Variants in FHOD3 observed in about 807,000 individuals in gnomAD.
The protein encoded by FHOD3 is formin homology 2 domain containing 3.
A neutral mutation model predicts 173.0 loss-of-function variants in FHOD3; 90 were observed. The ratio of observed to expected loss-of-function variants is 0.52; its 90% CI spans 0.44 to 0.62. The LOEUF is 0.62. Among genes scored for constraint, FHOD3 ranks in the 20% least tolerant of loss-of-function variants. The probability of loss-of-function intolerance (pLI) is 0.00; values close to 1 mark genes in which losing one functional copy is unlikely to be tolerated. For synonymous variants in FHOD3, 828 were observed against 823.0 expected (o/e 1.01, Z -0.10); for missense variants, 1,945 against 2,034.7 (o/e 0.96, Z 0.85).
chr18:36,676,072 A>G (rs688596), intron 14 of FHOD3, among the ~76,000 whole-genome samples: 72,977 of 151,990 alleles, frequency 0.48, 17,653 homozygotes, highest in East Asian at 0.56. Context: ...AAAATTTTAG[A>G]TAAATCTAGA....
chr18:36,509,291 G>A (rs2055487736), intron 4 of FHOD3, among the ~76,000 whole-genome samples: 1 of 152,146 alleles, frequency 6.6e-6, no homozygotes, highest in African/African-American at 2.4e-5. Context: ...GCCGGGCATG[G>A]TGGCGGGCGC....
At chr18:36,546,998 C>A (rs2057436970) in intron 5 of FHOD3, among the ~76,000 whole-genome samples, 2 of 152,304 alleles carry the variant, frequency 1.3e-5, no homozygotes, top group African/African-American at 2.4e-5. Context: ...AGCATCAATT[C>A]ACACTGCCTC....
chr18:36,297,919 G>A lies in FHOD3; in HGVS notation c.84G>A (p.Pro28=). 1 of 1,561,900 alleles carries A rather than the reference G, an allele frequency of 6.4e-7. No individual in the cohort carries two copies. Among genetic ancestry groups the A allele is most frequent in the East Asian group, 2.4e-5 (1 of 41,116 alleles). The change falls in exon 1 of 29, where the codon CCG becomes CCA. Residue 28 remains proline (P), a synonymous_variant. Transcript: ENST00000590592. ...CCAACTTCCCCGAGCCCAGCCGGCCGCCGCTGTTCACGTTCCGCGAGGACC... is the reference window on the plus strand; with the variant it reads ...CCAACTTCCCCGAGCCCAGCCGGCCACCGCTGTTCACGTTCCGCGAGGACC... ...NSTNFPEPSR[P]PLFTFREDLA...
chr18:36,726,709 C>T (rs2041092220), intron 19 of FHOD3, among the ~76,000 whole-genome samples: 2 of 152,090 alleles, frequency 1.3e-5, no homozygotes, highest in African/African-American at 2.4e-5. Context: ...GAGTCTCACT[C>T]TGTCACCCAG....
intron 17 of FHOD3, 151 bp from the exon 18 acceptor site, chr18:36,708,944 G>C: frequency 2.1e-6 from 2 of 937,070 alleles, no homozygotes; most frequent in South Asian, 1.6e-5. Flanking sequence ...TTGCCTCGAT[G>C]AGTGTTTGAA....
chr18:36,573,325 C>G (rs1202878846), intron 5 of FHOD3, among the ~76,000 whole-genome samples: 3 of 151,898 alleles, frequency 2.0e-5, no homozygotes, highest in African/African-American at 7.3e-5. Flanking sequence ...AGTGTTATAA[C>G]TGGGCACGGT....
intron 19 of FHOD3, among the ~76,000 whole-genome samples, chr18:36,724,394 G>A (rs2040947529): frequency 6.6e-6 from 1 of 152,234 alleles, no homozygotes; most frequent in African/African-American, 2.4e-5. Flanking sequence ...AACCCAGGTA[G>A]CTGCCCACCA....
At chr18:36,361,055 C>T (rs567648273) in intron 2 of FHOD3, among the ~76,000 whole-genome samples, 408 of 152,186 alleles carry the variant, frequency 2.7e-3, no homozygotes, top group African/African-American at 9.3e-3. Flanking sequence ...GAAAGGTAGA[C>T]GTTCCCTGAT....
intron 5 of FHOD3, among the ~76,000 whole-genome samples, chr18:36,533,375 G>A (rs2056865945): frequency 6.6e-6 from 1 of 152,232 alleles, no homozygotes; most frequent in Non-Finnish European, 1.5e-5. Flanking sequence ...GGACAGAGAA[G>A]GTTGTGCTGG....
At chr18:36,549,131 T>A (rs937556155) in intron 5 of FHOD3, among the ~76,000 whole-genome samples, 4 of 152,352 alleles carry the variant, frequency 2.6e-5, no homozygotes, top group African/African-American at 7.2e-5. Flanking sequence ...AGGTAAGTAG[T>A]GGTACCTCAC....
intron 3 of FHOD3, among the ~76,000 whole-genome samples, chr18:36,433,855 T>C (rs1253761044): frequency 6.6e-6 from 1 of 152,198 alleles, no homozygotes; most frequent in East Asian, 1.9e-4. Flanking sequence ...AGGTATACTT[T>C]ACATTCAGAA....
chr18:36,413,430 TG>T (rs1030231733), intron 3 of FHOD3, among the ~76,000 whole-genome samples: 1 of 152,112 alleles, frequency 6.6e-6, no homozygotes, highest in Non-Finnish European at 1.5e-5. Flanking sequence ...AACATGGCAG[TG>T]GGTTCTTTTT....
At chr18:36,334,356 C>T (rs1221296179) in intron 1 of FHOD3, among the ~76,000 whole-genome samples, 1 of 152,222 alleles carries the variant, frequency 6.6e-6, no homozygotes, top group Non-Finnish European at 1.5e-5. Flanking sequence ...AGCAGCCTCT[C>T]TGGGTATCCT....
intron 5 of FHOD3, among the ~76,000 whole-genome samples, chr18:36,566,551 C>T (rs1223216245): frequency 6.6e-6 from 1 of 152,036 alleles, no homozygotes; most frequent in Non-Finnish European, 1.5e-5. Flanking sequence ...GGGCCCTGTC[C>T]CAAGCAAGAC....
chr18:36,355,819 A>G (rs1287370992), intron 2 of FHOD3, among the ~76,000 whole-genome samples, 174 bp downstream of exon 2: 3 of 152,210 alleles, frequency 2.0e-5, no homozygotes, highest in Admixed American at 2.0e-4. Flanking sequence ...ACCCGTTTCC[A>G]TTTTGAGTAA....
chr18:36,422,260 C>CT (rs952425648), intron 3 of FHOD3, among the ~76,000 whole-genome samples: 25 of 152,128 alleles, frequency 1.6e-4, no homozygotes, highest in Non-Finnish European at 2.8e-4. Context: ...ACCATATATA[C>CT]TTTTTTTTCA....
chr18:36,324,053 T>G (rs1218658767), intron 1 of FHOD3, among the ~76,000 whole-genome samples: 1 of 152,222 alleles, frequency 6.6e-6, no homozygotes, highest in East Asian at 1.9e-4. Context: ...AAAGTTACAG[T>G]AGTCCCACAA....
At chr18:36,560,987 G>A (rs2058063579) in intron 5 of FHOD3, among the ~76,000 whole-genome samples, 1 of 151,746 alleles carries the variant, frequency 6.6e-6, no homozygotes, top group South Asian at 2.1e-4. Flanking sequence ...CAACCCTCAT[G>A]AAATTTAAAT....
At chr18:36,341,621 C>G (rs559142335) in intron 1 of FHOD3, among the ~76,000 whole-genome samples, 23 of 152,268 alleles carry the variant, frequency 1.5e-4, no homozygotes, top group African/African-American at 4.1e-4. Flanking sequence ...CCAAGATAGA[C>G]TGATTCTGTT....
Sources: allele counts gnomAD v4.1 joint callset (sites outside exome capture counted in the v4.1 genomes callset), GRCh38; gene constraint gnomAD v4.1.1; transcripts MANE v1.5; gene names NCBI Gene and HGNC (gene_info 2026-07-23, HGNC 2026-07-21).